Variants in TNIK observed in about 807,000 individuals in gnomAD.
The protein encoded by TNIK is TRAF2 and NCK interacting kinase, also known as TRAF2 and NCK-interacting protein kinase.
In TNIK, 49 loss-of-function variants were observed where a neutral mutation model predicts 191.3. The ratio of observed to expected loss-of-function variants is 0.26; its 90% CI spans 0.20 to 0.32. The LOEUF is 0.32. Ranked by LOEUF, TNIK falls within the 10% of genes least tolerant of loss-of-function variation. The pLI is 1.00. For missense variants in TNIK, 1,155 were observed against 1,702.3 expected (o/e 0.68, Z 5.66); for synonymous variants, 594 against 600.9 (o/e 0.99, Z 0.17).
chr3:171,226,937 C>CTTAT (rs994412300), intron 3 of TNIK, among the ~76,000 whole-genome samples: 8 of 151,970 alleles, frequency 5.3e-5, no homozygotes, highest in Non-Finnish European at 1.0e-4. Context: ...GTGTGTCTTT[C>CTTAT]TTATTTATTT....
At position 171,426,863 on chromosome 3, in the gene TNIK, G is replaced by C. The variant is rs138810141; in HGVS notation, c.57+33144C>G. ...GGAGTTGGAGAGGTCAATGAAGAGCGAGATTCAGGTGTTGAATGGCTGCCT... is the reference window on the plus strand; with the variant it reads ...GGAGTTGGAGAGGTCAATGAAGAGCCAGATTCAGGTGTTGAATGGCTGCCT... On this transcript the variant is annotated intron_variant, in intron 1 of 32. Transcript: ENST00000436636. Among the ~76,000 whole-genome samples the C allele has an allele frequency of 1.6e-4, 24 of 152,108 alleles. 1 individual carries two copies. Among genetic ancestry groups the C allele is most frequent in the Non-Finnish European group, 3.5e-4 (24 of 68,018 alleles).
intron 2 of TNIK, among the ~76,000 whole-genome samples, chr3:171,257,188 G>A (rs1440008182): frequency 6.6e-6 from 1 of 152,180 alleles, no homozygotes; most frequent in Non-Finnish European, 1.5e-5. Context: ...AGACTTAGAA[G>A]AAGCAAGGAA....
At chr3:171,098,862 C>G (rs1723070618) in intron 22 of TNIK, among the ~76,000 whole-genome samples, 1 of 152,096 alleles carries the variant, frequency 6.6e-6, no homozygotes, top group Non-Finnish European at 1.5e-5. Flanking sequence ...GTAGAACAGA[C>G]TGTGTATATT....
At chr3:171,458,276 G>C (rs1351427506) in intron 1 of TNIK, among the ~76,000 whole-genome samples, 1 of 151,848 alleles carries the variant, frequency 6.6e-6, no homozygotes, top group Non-Finnish European at 1.5e-5. Context: ...ACACACAGTC[G>C]GTAAAGCAGG....
chr3:171,245,181 T>G (rs1745456508), intron 2 of TNIK, among the ~76,000 whole-genome samples: 1 of 152,204 alleles, frequency 6.6e-6, no homozygotes, highest in South Asian at 2.1e-4. Flanking sequence ...ACTTGGGCTC[T>G]ATAAAACAAA....
chr3:171,360,371 C>T (rs961325481), intron 2 of TNIK, among the ~76,000 whole-genome samples: 4 of 152,198 alleles, frequency 2.6e-5, no homozygotes, highest in African/African-American at 9.6e-5. Context: ...ATTGCTGTAA[C>T]AGTTTTGCAG....
intron 9 of TNIK, among the ~76,000 whole-genome samples, chr3:171,167,931 A>G (rs1157220018): frequency 2.0e-5 from 3 of 152,246 alleles, no homozygotes; most frequent in Non-Finnish European, 4.4e-5. Context: ...ACATATAAGT[A>G]TATGTGTACC....
chr3:171,328,027 T>C (rs1303969905), intron 2 of TNIK, among the ~76,000 whole-genome samples: 1 of 151,572 alleles, frequency 6.6e-6, no homozygotes, highest in Non-Finnish European at 1.5e-5. Context: ...ACAAACTGCA[T>C]GTTATAAACT....
chr3:171,174,647 T>C (rs1190178554), intron 9 of TNIK, among the ~76,000 whole-genome samples: 2 of 152,156 alleles, frequency 1.3e-5, no homozygotes, highest in Non-Finnish European at 1.5e-5. Flanking sequence ...ACACCACTCA[T>C]ACTAGTATTC....
chr3:171,416,998 C>T (rs759280575), intron 1 of TNIK, among the ~76,000 whole-genome samples: 33 of 152,084 alleles, frequency 2.2e-4, no homozygotes, highest in African/African-American at 6.3e-4. Context: ...GTTGAATTTT[C>T]GAAATTACTG....
At chr3:171,347,518 G>A (rs1460113244) in intron 2 of TNIK, among the ~76,000 whole-genome samples, 1 of 151,960 alleles carries the variant, frequency 6.6e-6, no homozygotes, top group East Asian at 1.9e-4. Flanking sequence ...GCATTTAACT[G>A]GTCACACCTA....
chr3:171,262,023 A>G (rs1430556982), intron 2 of TNIK, among the ~76,000 whole-genome samples: 11 of 152,168 alleles, frequency 7.2e-5, no homozygotes, highest in Admixed American at 7.2e-4. Context: ...CTAACCCAGC[A>G]GCGGGGTCAG....
intron 3 of TNIK, among the ~76,000 whole-genome samples, chr3:171,220,297 C>T (rs1024879110): frequency 6.6e-6 from 1 of 152,056 alleles, no homozygotes; most frequent in Non-Finnish European, 1.5e-5. Context: ...ATGTAGATGA[C>T]AGGTTGATGG....
intron 2 of TNIK, among the ~76,000 whole-genome samples, chr3:171,365,450 G>A (rs1041033968): frequency 6.6e-6 from 1 of 151,926 alleles, no homozygotes; most frequent in Non-Finnish European, 1.5e-5. Flanking sequence ...CCAAAGTGCT[G>A]GGATTACAGG....
chr3:171,307,989 G>A (rs1460253100), intron 2 of TNIK, among the ~76,000 whole-genome samples: 1 of 151,932 alleles, frequency 6.6e-6, no homozygotes, highest in Non-Finnish European at 1.5e-5. Context: ...TTGTTAAATT[G>A]GCCATCCTAT....
intron 2 of TNIK, among the ~76,000 whole-genome samples, chr3:171,347,553 C>T (rs930829521): frequency 4.6e-5 from 7 of 152,122 alleles, no homozygotes; most frequent in Admixed American, 2.0e-4. Flanking sequence ...AACTGGGTGA[C>T]TCATTAGGAT....
chr3:171,232,363 A>C lies in TNIK; in HGVS notation c.124-4142T>G, dbSNP rs550577169. Among the ~76,000 whole-genome samples, 33 of 152,132 alleles carry C rather than the reference A, an allele frequency of 2.2e-4. No individual in the cohort carries two copies. The South Asian group carries it at 6.9e-3, about 32-fold the overall frequency. ...AATGAAAAAAAAAAACCACATGTGC[A>C]ACCAAGAACTAAAAATTAAATTCTG... On this transcript the variant is annotated intron_variant, in intron 2 of 32. Transcript: ENST00000436636.
chr3:171,363,069 C>A (rs977765212), intron 2 of TNIK, among the ~76,000 whole-genome samples: 1 of 152,144 alleles, frequency 6.6e-6, no homozygotes, highest in Non-Finnish European at 1.5e-5. Context: ...ACAGAAGACA[C>A]AGGAAAAACT....
At chr3:171,311,639 T>C (rs888398939) in intron 2 of TNIK, among the ~76,000 whole-genome samples, 1 of 152,138 alleles carries the variant, frequency 6.6e-6, no homozygotes, top group African/African-American at 2.4e-5. Flanking sequence ...ATTGAGAACC[T>C]TCCCCCAGAA....
Sources: allele counts gnomAD v4.1 joint callset (sites outside exome capture counted in the v4.1 genomes callset), GRCh38; gene constraint gnomAD v4.1.1; transcripts MANE v1.5; gene names NCBI Gene and HGNC (gene_info 2026-07-23, HGNC 2026-07-21).